The following SLC24A2 variants were observed in gnomAD, a reference collection of about 807,000 sequenced individuals.
The protein encoded by SLC24A2 is solute carrier family 24 member 2.
Under a neutral mutation model 62.0 loss-of-function variants are expected in SLC24A2, and 36 were observed. That is an observed-to-expected ratio of 0.58 (90% CI 0.44 to 0.77). The LOEUF (loss-of-function observed/expected upper bound fraction) is 0.77, where lower values mean the gene tolerates loss of function less well. Ranked by LOEUF, SLC24A2 falls within the 30% of genes least tolerant of loss-of-function variation. The pLI is 0.00. For synonymous variants in SLC24A2, 358 were observed against 294.0 expected, an observed-to-expected ratio of 1.22 and a Z score of -2.23; for missense variants, 846 against 817.9, an observed-to-expected ratio of 1.03 and a Z score of -0.42.
At position 19,619,460 on chromosome 9, in the gene SLC24A2, A is replaced by G. The variant is rs1481017945; in HGVS notation, c.1078+124T>C. 4.9e-6 allele frequency: 4 copies of G among 817,798 alleles called. No homozygotes were observed. In the East Asian group the frequency reaches 9.8e-5, roughly 20 times the overall value. 50.7% of individuals were successfully genotyped at this position (817,798 alleles called of 1,614,324 possible). A position where few individuals can be genotyped will look rare whatever the true frequency, so the allele number is the denominator to read the frequency against. On this transcript the variant is annotated intron_variant, in intron 4 of 10. Transcript: ENST00000341998. ...TCAAAGGGCCAGGGCTGCTTCTGGCAGAAGCTAAACAAGAGGAGGCTGGCA... is the reference window on the plus strand; with the variant it reads ...TCAAAGGGCCAGGGCTGCTTCTGGCGGAAGCTAAACAAGAGGAGGCTGGCA...
chr9:19,847,775 G>C, the SLC24A2 span, among the ~76,000 whole-genome samples: 1 of 151,948 alleles, frequency 6.6e-6, no homozygotes, highest in Non-Finnish European at 1.5e-5. Context: ...ATTTGTACTT[G>C]TTTACCATCC....
At chr9:20,076,881 A>ATG in the SLC24A2 span, among the ~76,000 whole-genome samples, 13 of 120,202 alleles carry the variant, frequency 1.1e-4, no homozygotes, top group Admixed American at 1.6e-4. Context: ...ATATATATAT[A>ATG]CATATCATAT....
chr9:20,192,985 C>G, the SLC24A2 span, among the ~76,000 whole-genome samples: 2 of 152,090 alleles, frequency 1.3e-5, no homozygotes, highest in African/African-American at 4.8e-5. Context: ...TGAAGAACCC[C>G]CCAGCACACA....
the SLC24A2 span, among the ~76,000 whole-genome samples, chr9:20,098,767 G>C: frequency 6.6e-6 from 1 of 152,168 alleles, no homozygotes; most frequent in East Asian, 1.9e-4. Flanking sequence ...GTAAAACACA[G>C]GACGAAGGGA....
the SLC24A2 span, among the ~76,000 whole-genome samples, chr9:20,251,604 G>A: frequency 6.6e-6 from 1 of 152,134 alleles, no homozygotes; most frequent in African/African-American, 2.4e-5. Context: ...GTAAGTATCA[G>A]GAATTACGTA....
At chr9:20,108,735 TA>T in the SLC24A2 span, among the ~76,000 whole-genome samples, 9 of 151,474 alleles carry the variant, frequency 5.9e-5, 1 homozygote, top group Admixed American at 5.9e-4. Context: ...CATTAGGAGA[TA>T]TACCTAATGT....
At chr9:20,284,516 A>G in the SLC24A2 span, among the ~76,000 whole-genome samples, 1 of 129,512 alleles carries the variant, frequency 7.7e-6, no homozygotes, top group East Asian at 2.2e-4. Context: ...AGCCATGTCA[A>G]TAAGCTTAAA....
chr9:19,967,551 G>A, the SLC24A2 span: 1 of 152,192 alleles, frequency 6.6e-6, no homozygotes, highest in Non-Finnish European at 1.5e-5. Flanking sequence ...TAGCTCTGAT[G>A]CAATTTACGT....
chr9:20,096,168 A>G, the SLC24A2 span, among the ~76,000 whole-genome samples: 2 of 152,178 alleles, frequency 1.3e-5, no homozygotes, highest in Non-Finnish European at 2.9e-5. Context: ...CAGAATCCTT[A>G]GTAATTTTTA....
At chr9:19,955,785 G>A in the SLC24A2 span, among the ~76,000 whole-genome samples, 6 of 151,954 alleles carry the variant, frequency 3.9e-5, no homozygotes, top group African/African-American at 1.5e-4. Context: ...AAATCAATCA[G>A]GATAACACTA....
At chr9:19,849,426 T>A in the SLC24A2 span, among the ~76,000 whole-genome samples, 2 of 152,300 alleles carry the variant, frequency 1.3e-5, no homozygotes, top group African/African-American at 4.8e-5. Context: ...AATTTAAAAG[T>A]GTAAATGATG....
At chr9:20,051,657 C>CTCTTTTTTTT in the SLC24A2 span, among the ~76,000 whole-genome samples, 33 of 73,506 alleles carry the variant, frequency 4.5e-4, 1 homozygote, top group South Asian at 9.1e-4. Flanking sequence ...TTTTCTTTCT[C>CTCTTTTTTTT]TTTTTTTTTT....
At chr9:19,565,870 T>G (rs1348997701) in intron 7 of SLC24A2, among the ~76,000 whole-genome samples, 2 of 151,610 alleles carry the variant, frequency 1.3e-5, no homozygotes, top group African/African-American at 4.9e-5. Flanking sequence ...GGGGAAAGGA[T>G]TCTCTATTTA....
At chr9:19,846,250 C>G in the SLC24A2 span, among the ~76,000 whole-genome samples, 2 of 152,100 alleles carry the variant, frequency 1.3e-5, no homozygotes, top group Non-Finnish European at 2.9e-5. Flanking sequence ...TTTAGAAGTA[C>G]TTATTTTATG....
At chr9:19,696,710 C>T (rs1418219869) in intron 2 of SLC24A2, among the ~76,000 whole-genome samples, 1 of 152,138 alleles carries the variant, frequency 6.6e-6, no homozygotes, top group African/African-American at 2.4e-5. Flanking sequence ...ATGTCTCATT[C>T]ATGAAGCAGG....
At chr9:19,837,932 T>G in the SLC24A2 span, among the ~76,000 whole-genome samples, 4 of 152,024 alleles carry the variant, frequency 2.6e-5, no homozygotes, top group East Asian at 1.9e-4. Context: ...TACAAACAAA[T>G]GGAAGAACAT....
chr9:19,605,571 T>C (rs1287725676), intron 4 of SLC24A2, among the ~76,000 whole-genome samples: 1 of 152,212 alleles, frequency 6.6e-6, no homozygotes, highest in African/African-American at 2.4e-5. Context: ...CCTGAAGATA[T>C]GGCACATGGT....
the SLC24A2 span, among the ~76,000 whole-genome samples, chr9:20,024,358 C>T: frequency 3.3e-5 from 5 of 151,980 alleles, no homozygotes; most frequent in Admixed American, 6.6e-5. Flanking sequence ...CACAAACATA[C>T]ACACACACAC....
At chr9:19,960,948 T>C in the SLC24A2 span, among the ~76,000 whole-genome samples, 1 of 151,982 alleles carries the variant, frequency 6.6e-6, no homozygotes, top group African/African-American at 2.4e-5. Flanking sequence ...CCCAACTACT[T>C]AGAGCTACTC....
Sources: allele counts gnomAD v4.1 joint callset (sites outside exome capture counted in the v4.1 genomes callset), GRCh38; gene constraint gnomAD v4.1.1; transcripts MANE v1.5; gene names NCBI Gene and HGNC (gene_info 2026-07-23, HGNC 2026-07-21).